Variants in PCBP3 observed in about 807,000 individuals in gnomAD.
PCBP3 encodes the protein poly(rC)-binding protein 3.
In PCBP3, 25 loss-of-function variants were observed where a neutral mutation model predicts 52.7. The ratio of observed to expected loss-of-function variants is 0.47; its 90% CI spans 0.35 to 0.66. The LOEUF is 0.66. Among genes scored for constraint, PCBP3 ranks in the 30% least tolerant of loss-of-function variants. The pLI, the probability that PCBP3 is intolerant of heterozygous loss-of-function variation, is 0.01. For missense variants in PCBP3, 391 were observed against 490.3 expected (o/e 0.80, Z 1.91); for synonymous variants, 162 against 183.0 (o/e 0.89, Z 0.93).
intron 4 of PCBP3, among the ~76,000 whole-genome samples, chr21:45,794,286 C>T (rs918098721): frequency 6.6e-6 from 1 of 152,134 alleles, no homozygotes; most frequent in African/African-American, 2.4e-5. Context: ...TGTAGTGGTG[C>T]GTGCATGTAG....
At chr21:45,776,396 G>A (rs2090255162) in intron 4 of PCBP3, among the ~76,000 whole-genome samples, 1 of 151,754 alleles carries the variant, frequency 6.6e-6, no homozygotes. Flanking sequence ...TCTGAGAGTG[G>A]GGTGTTGAAG....
chr21:45,870,161 T>C (rs2148613160), intron 5 of PCBP3, among the ~76,000 whole-genome samples: 1 of 152,320 alleles, frequency 6.6e-6, no homozygotes, highest in East Asian at 1.9e-4. Flanking sequence ...CCCTTTAAAG[T>C]TTTACTCAAC....
At chr21:45,816,676 G>T (rs1399439543) in intron 4 of PCBP3, among the ~76,000 whole-genome samples, 3 of 150,392 alleles carry the variant, frequency 2.0e-5, no homozygotes, top group Non-Finnish European at 4.4e-5. Context: ...GCTGTCCTCT[G>T]CTGTGATCAC....
intron 5 of PCBP3, among the ~76,000 whole-genome samples, chr21:45,886,444 T>C (rs111310962): frequency 0.03 from 1,402 of 46,246 alleles, no homozygotes; most frequent in African/African-American, 0.054. Context: ...GGGCAGAGGA[T>C]GTGGTGAGGT....
chr21:45,650,677 A>T (rs898385940), intron 1 of PCBP3, among the ~76,000 whole-genome samples: 1 of 152,040 alleles, frequency 6.6e-6, no homozygotes, highest in Non-Finnish European at 1.5e-5. Flanking sequence ...CTGGTCTTCA[A>T]CTCCTGGGCT....
At chr21:45,932,183 G>A (rs1185151994) in intron 15 of PCBP3, among the ~76,000 whole-genome samples, 5 of 151,486 alleles carry the variant, frequency 3.3e-5, no homozygotes, top group East Asian at 2.0e-4. Flanking sequence ...CAGCCATGCC[G>A]TCCCGAGATG....
In PCBP3 at chr21:45,935,293, C is replaced by T; in HGVS notation, c.897C>T (p.Thr299=). The change falls in exon 16 of 18, where the codon ACC becomes ACT. Residue 299 remains threonine, a synonymous_variant. Transcript: ENST00000681687. The stretch of plus-strand genomic sequence containing the variant: ...CACCGGCCAGCACTCATGAGCTCAC[C>T]ATTCCCAATGATGTGAGTATGCCCG... ...ASPPASTHEL[T]IPNDLIGCII... is the part of the protein sequence containing the mutation. 1 of 1,612,744 alleles carries T rather than the reference C, an allele frequency of 6.2e-7. No homozygotes were observed. The highest frequency in any genetic ancestry group is 8.5e-7 in the Non-Finnish European group (1 of 1,179,022).
intron 4 of PCBP3, among the ~76,000 whole-genome samples, chr21:45,801,860 T>C (rs1264615159): frequency 6.6e-6 from 1 of 152,206 alleles, no homozygotes; most frequent in Non-Finnish European, 1.5e-5. Context: ...TATGTGGAGA[T>C]CCAAACCCAT....
intron 16 of PCBP3, among the ~76,000 whole-genome samples, chr21:45,938,710 C>T (rs1472435538): frequency 6.6e-6 from 1 of 152,182 alleles, no homozygotes; most frequent in Non-Finnish European, 1.5e-5. Flanking sequence ...AGACTCCCAG[C>T]AGCCCTGGAT....
intron 5 of PCBP3, among the ~76,000 whole-genome samples, chr21:45,866,472 C>T (rs1205540089): frequency 1.3e-5 from 2 of 152,188 alleles, no homozygotes; most frequent in Non-Finnish European, 2.9e-5. Flanking sequence ...GTCCTGCTCG[C>T]TCATGGTTAA....
intron 4 of PCBP3, among the ~76,000 whole-genome samples, chr21:45,790,454 G>C (rs1159836082): frequency 6.6e-6 from 1 of 152,180 alleles, no homozygotes; most frequent in Non-Finnish European, 1.5e-5. Flanking sequence ...GTTGGATAGA[G>C]AGACCCAGGA....
At chr21:45,714,296 T>C (rs1318235600) in intron 2 of PCBP3, among the ~76,000 whole-genome samples, 1 of 152,248 alleles carries the variant, frequency 6.6e-6, no homozygotes. Context: ...CATTTGAGAC[T>C]GAATATGTCC....
In PCBP3 at chr21:45,925,280, C is replaced by T. The variant is rs149136116; in HGVS notation, c.718-4637C>T. 4.9e-3 allele frequency among the ~76,000 whole-genome samples: 750 copies of T among 152,166 alleles called. 5 individuals carry two copies. Among genetic ancestry groups the T allele is most frequent in the African/African-American group, 0.015 (619 of 41,510 alleles). On this transcript the variant is annotated intron_variant, in intron 13 of 17. Coordinates refer to ENST00000681687, the MANE Select transcript of PCBP3 (RefSeq NM_001384156.1). ...GAAGACACTGAGTGTAGACTCTCAA[C>T]GCACATGTTAAAGTTTCAATGACCA...
chr21:45,909,933 C>T (rs2096318266), intron 10 of PCBP3, among the ~76,000 whole-genome samples: 1 of 93,334 alleles, frequency 1.1e-5, no homozygotes, highest in Non-Finnish European at 2.2e-5. Flanking sequence ...GATATGGACC[C>T]CCCCAACCCA....
intron 4 of PCBP3, among the ~76,000 whole-genome samples, chr21:45,842,571 A>G (rs2093720983): frequency 6.6e-6 from 1 of 151,924 alleles, no homozygotes. Flanking sequence ...TTTCTCTTTC[A>G]TGTTGAGGTA....
chr21:45,704,842 AG>A lies in PCBP3; in HGVS notation c.-199-30548del. 6.6e-6 allele frequency among the ~76,000 whole-genome samples: 1 copy of A among 152,170 alleles called. No homozygotes were observed. Among genetic ancestry groups the A allele is most frequent in the Non-Finnish European group, 1.5e-5 (1 of 68,044 alleles). On this transcript the variant is annotated intron_variant, in intron 2 of 17. Transcript: ENST00000681687. The surrounding 1 kb of genome is among the most constrained non-coding windows in gnomAD (Gnocchi z 4.1). ...CCTAGAGAGTGATGTGATACAGTGC[AG>A]GTAGACGACACAGGGCGCTGCTGTC...
In PCBP3 at chr21:45,940,107, C is replaced by T. The variant is rs557057931; in HGVS notation, c.987C>T (p.Ile329=). ...AGATGTCTGGAGCTCAGATCAAAAT[C>T]GCCAACGCCACGGAAGGGTCCTCAG... ...IRQMSGAQIK[I]ANATEGSSER... Residue 329 remains isoleucine (I), a synonymous_variant, in exon 17 of 18, where the codon ATC becomes ATT. Coordinates refer to ENST00000681687, the MANE Select transcript of PCBP3 (RefSeq NM_001384156.1). 4.2e-5 allele frequency: 68 copies of T among 1,614,140 alleles called. No individual in the cohort carries two copies. Among genetic ancestry groups the T allele is most frequent in the Admixed American group, 1.2e-4 (7 of 60,024 alleles).
In PCBP3 at chr21:45,724,541, A is replaced by G. The variant is rs1281366184; in HGVS notation, c.-199-10851A>G. Among the ~76,000 whole-genome samples, 1 of 152,186 alleles carries G rather than the reference A, an allele frequency of 6.6e-6. No individual in the cohort carries two copies. Among genetic ancestry groups the G allele is most frequent in the African/African-American group, 2.4e-5 (1 of 41,428 alleles). Reference sequence around the variant, plus strand: ...GACAGCTGGGAATCTCGCTGCCTTCATGGTGGCGGGCCAGGCTGCTCTGTA... The same window carrying G: ...GACAGCTGGGAATCTCGCTGCCTTCGTGGTGGCGGGCCAGGCTGCTCTGTA... On this transcript the variant is annotated intron_variant, in intron 2 of 17. Coordinates refer to ENST00000681687, the MANE Select transcript of PCBP3 (RefSeq NM_001384156.1). The surrounding 1 kb of genome is among the most constrained non-coding windows in gnomAD (Gnocchi z 5.3).
At chr21:45,828,861 C>A (rs1204371714) in intron 4 of PCBP3, 1 of 152,372 alleles carries the variant, frequency 6.6e-6, no homozygotes, top group African/African-American at 2.4e-5. Flanking sequence ...TGAGTACCCA[C>A]GGTCATGCCC....
Sources: gnomAD v4.1 joint callset for allele counts (sites outside exome capture counted in the v4.1 genomes callset) on GRCh38, gnomAD v4.1.1 for gene constraint, Gnocchi (gnomAD v3.1) non-coding constraint, MANE v1.5 for transcripts, NCBI Gene and HGNC (gene_info 2026-07-23, HGNC 2026-07-21) for gene names.